Variants in QTMAN observed in about 807,000 individuals in gnomAD.
QTMAN encodes queuosine-tRNA mannosyltransferase, also known as tRNA-queuosine alpha-mannosyltransferase.
the QTMAN span, among the ~76,000 whole-genome samples, chr2:144,261,337 G>A: frequency 6.6e-6 from 1 of 151,978 alleles, no homozygotes; most frequent in Non-Finnish European, 1.5e-5. Context: ...TTTCGGGGAG[G>A]GGGGGATGAT....
chr2:144,165,337 T>C, the QTMAN span, among the ~76,000 whole-genome samples: 1 of 151,860 alleles, frequency 6.6e-6, no homozygotes, highest in African/African-American at 2.4e-5. Context: ...GCCACTGCAC[T>C]CTCGCTCCGG....
the QTMAN span, among the ~76,000 whole-genome samples, chr2:143,999,882 A>T: frequency 1.3e-5 from 2 of 152,068 alleles, no homozygotes; most frequent in Non-Finnish European, 2.9e-5. Context: ...GGGCAACAAG[A>T]GCTTTAGTTT....
the QTMAN span, among the ~76,000 whole-genome samples, chr2:144,032,544 G>C: frequency 6.6e-6 from 1 of 152,194 alleles, no homozygotes; most frequent in Non-Finnish European, 1.5e-5. Flanking sequence ...CAAGGGTGGA[G>C]ACATCTTGGG....
At chr2:144,275,166 C>A in the QTMAN span, among the ~76,000 whole-genome samples, 1 of 152,120 alleles carries the variant, frequency 6.6e-6, no homozygotes, top group Non-Finnish European at 1.5e-5. Flanking sequence ...AGGCAGATCA[C>A]CAGATCCAGA....
chr2:144,241,141 G>A, the QTMAN span, among the ~76,000 whole-genome samples: 1 of 152,202 alleles, frequency 6.6e-6, no homozygotes, highest in Non-Finnish European at 1.5e-5. Context: ...ACCAGTAGCA[G>A]CAGCAACAGC....
chr2:143,970,770 T>G, the QTMAN span: 1 of 1,384,474 alleles, frequency 7.2e-7, no homozygotes, highest in South Asian at 1.2e-5. Flanking sequence ...TCCCTGGAAA[T>G]AAACACACAA....
the QTMAN span, among the ~76,000 whole-genome samples, chr2:144,186,668 G>A: frequency 6.6e-6 from 1 of 152,120 alleles, no homozygotes; most frequent in Non-Finnish European, 1.5e-5. Context: ...TCAGTGGTAA[G>A]AGAAAAATAT....
At chr2:144,167,640 C>T in the QTMAN span, among the ~76,000 whole-genome samples, 1 of 151,984 alleles carries the variant, frequency 6.6e-6, no homozygotes, top group Admixed American at 6.6e-5. Context: ...CTTCCTGCCG[C>T]CCTGTGAAGA....
At chr2:143,981,845 T>G in the QTMAN span, among the ~76,000 whole-genome samples, 1 of 152,244 alleles carries the variant, frequency 6.6e-6, no homozygotes, top group Non-Finnish European at 1.5e-5. Context: ...TGTTGTATTT[T>G]TTTTCATTTT....
the QTMAN span, among the ~76,000 whole-genome samples, chr2:144,091,630 TA>T: frequency 2.6e-4 from 40 of 152,114 alleles, no homozygotes; most frequent in Admixed American, 3.9e-4. Flanking sequence ...GTGATTTATT[TA>T]AAAAATAAAG....
the QTMAN span, among the ~76,000 whole-genome samples, chr2:144,137,644 G>C: frequency 1.3e-5 from 2 of 152,158 alleles, no homozygotes; most frequent in South Asian, 4.2e-4. Context: ...CCTATATCTA[G>C]CTGTGTGATT....
the QTMAN span, among the ~76,000 whole-genome samples, chr2:144,144,786 G>A: frequency 2.6e-5 from 4 of 151,852 alleles, no homozygotes; most frequent in Non-Finnish European, 1.5e-5. Flanking sequence ...TTGCGGGTCT[G>A]TTCAAATACA....
the QTMAN span, among the ~76,000 whole-genome samples, chr2:144,132,134 T>C: frequency 5.9e-5 from 9 of 151,940 alleles, no homozygotes; most frequent in African/African-American, 2.2e-4. Context: ...GTCTTATTTA[T>C]CCTTATATCC....
the QTMAN span, among the ~76,000 whole-genome samples, chr2:144,214,232 A>T: frequency 6.6e-6 from 1 of 152,200 alleles, no homozygotes; most frequent in Non-Finnish European, 1.5e-5. Flanking sequence ...AAAAAGAGAC[A>T]AGATAAATAT....
chr2:144,133,485 A>T, the QTMAN span, among the ~76,000 whole-genome samples: 4 of 80,962 alleles, frequency 4.9e-5, no homozygotes, highest in Non-Finnish European at 6.5e-5. Flanking sequence ...ATAATATATA[A>T]AATATATATT....
the QTMAN span, among the ~76,000 whole-genome samples, chr2:144,077,986 T>C: frequency 7.3e-6 from 1 of 137,062 alleles, no homozygotes; most frequent in Non-Finnish European, 1.6e-5. Context: ...AGATAGCATA[T>C]AAAAATGCCA....
the QTMAN span, among the ~76,000 whole-genome samples, chr2:144,274,638 C>T: frequency 1.1e-4 from 16 of 152,322 alleles, no homozygotes; most frequent in South Asian, 8.3e-4. Context: ...GAAGGTGGTA[C>T]GCCCAGAGAA....
the QTMAN span, among the ~76,000 whole-genome samples, chr2:144,201,456 A>G: frequency 1.3e-5 from 2 of 152,226 alleles, no homozygotes; most frequent in African/African-American, 4.8e-5. Context: ...GGACCACAGC[A>G]ACCCTGTGCA....
At chr2:144,080,573 A>G in the QTMAN span, among the ~76,000 whole-genome samples, 6 of 152,336 alleles carry the variant, frequency 3.9e-5, no homozygotes, top group African/African-American at 1.4e-4. Context: ...AGGTTTCAAA[A>G]TAGAACAATC....
Sources: gnomAD v4.1 joint callset for allele counts (sites outside exome capture counted in the v4.1 genomes callset) on GRCh38, gnomAD v4.1.1 for gene constraint, MANE v1.5 for transcripts, NCBI Gene and HGNC (gene_info 2026-07-23, HGNC 2026-07-21) for gene names.